Variants in IQCH observed in about 807,000 individuals in gnomAD.
IQCH encodes IQ motif containing H.
Under a neutral mutation model 117.0 loss-of-function variants are expected in IQCH, and 98 were observed. The observed-to-expected ratio is 0.84, with a 90% confidence interval of 0.71 to 0.99. The LOEUF (loss-of-function observed/expected upper bound fraction) is 0.99. IQCH is among the 50% of genes least tolerant of loss of function. IQCH has a pLI of 0.00. For synonymous variants in IQCH, 412 were observed against 448.2 expected (o/e 0.92, Z 1.02); for missense variants, 1,102 against 1,243.8 (o/e 0.89, Z 1.72).
intron 3 of IQCH, among the ~76,000 whole-genome samples, chr15:67,272,204 G>A (rs1965926231): frequency 6.6e-6 from 1 of 151,900 alleles, no homozygotes; most frequent in Non-Finnish European, 1.5e-5. Context: ...GTTTCCATGT[G>A]TTTCTGTAGT....
chr15:67,489,469 G>T (rs1467352122), intron 18 of IQCH, among the ~76,000 whole-genome samples: 3 of 149,312 alleles, frequency 2.0e-5, no homozygotes, highest in Admixed American at 6.7e-5. Flanking sequence ...GGACCACCAT[G>T]CTACTTTTCA....
intron 5 of IQCH, among the ~76,000 whole-genome samples, chr15:67,341,133 G>T (rs1359117683): frequency 6.6e-6 from 1 of 152,152 alleles, no homozygotes; most frequent in Admixed American, 6.6e-5. Context: ...GATGGCTTGA[G>T]CCCTAGAGGC....
At chr15:67,275,392 G>A (rs897098145) in intron 3 of IQCH, among the ~76,000 whole-genome samples, 2 of 152,052 alleles carry the variant, frequency 1.3e-5, no homozygotes, top group African/African-American at 4.8e-5. Context: ...CCTTCTCCAT[G>A]ACCTGGGAAC....
intron 4 of IQCH, among the ~76,000 whole-genome samples, chr15:67,313,553 G>T (rs1249096811): frequency 6.6e-6 from 1 of 152,168 alleles, no homozygotes; most frequent in Non-Finnish European, 1.5e-5. Context: ...TAAAGGAGAG[G>T]TGTTGTGCAT....
intron 4 of IQCH, among the ~76,000 whole-genome samples, chr15:67,319,102 C>T (rs1967990746): frequency 6.6e-6 from 1 of 152,066 alleles, no homozygotes; most frequent in Admixed American, 6.6e-5. Flanking sequence ...TGGCGGGTGC[C>T]TGTAGTCCCA....
Position 67,395,522 on chromosome 15 carries a change from G to A in IQCH, c.1864G>A (p.Ala622Thr), listed in dbSNP as rs1027967344. The part of the protein sequence containing the change: ...GKRVFDSANV[A>T]VPPGIYDIYS... Reference sequence around the variant, plus strand: ...ACGTGTCTTTGACAGTGCCAATGTGGCAGTTCCTCCTGGAATATATGATAT... The same window carrying A: ...ACGTGTCTTTGACAGTGCCAATGTGACAGTTCCTCCTGGAATATATGATAT... The change falls in exon 13 of 21, where the codon GCA becomes ACA. Residue 622 changes from alanine to threonine, a missense_variant. Transcript: ENST00000335894. This position sits in a 1 kb window ranked among gnomAD's most constrained non-coding sequence, Gnocchi z 4.0. 1 of 1,613,866 alleles carries A rather than the reference G, an allele frequency of 6.2e-7. No individual in the cohort carries two copies. The highest frequency in any genetic ancestry group is 1.3e-5 in the African/African-American group (1 of 74,888).
chr15:67,331,901 C>T (rs897430905), intron 4 of IQCH, among the ~76,000 whole-genome samples: 1 of 152,198 alleles, frequency 6.6e-6, no homozygotes, highest in Non-Finnish European at 1.5e-5. Flanking sequence ...CAGATCACTT[C>T]TGCTTACAAC....
At position 67,481,345 on chromosome 15, in the gene IQCH, C is replaced by T. The variant is rs150922187; in HGVS notation, c.2799+5527C>T. Among the ~76,000 whole-genome samples the T allele has an allele frequency of 6.6e-5, 10 of 152,266 alleles. 2 individuals are homozygous for T. Among genetic ancestry groups the T allele is most frequent in the African/African-American group, 2.4e-4 (10 of 41,556 alleles). ...GGGGAAGCAAACACATTCTTCTTCACAAAATGGCAGGAGAGAGAAGTGCCG... is the reference window on the plus strand; with the variant it reads ...GGGGAAGCAAACACATTCTTCTTCATAAAATGGCAGGAGAGAGAAGTGCCG... On this transcript the variant is annotated intron_variant, in intron 18 of 20. Transcript: ENST00000335894. This position sits in a 1 kb window ranked among gnomAD's most constrained non-coding sequence, Gnocchi z 4.1.
intron 4 of IQCH, among the ~76,000 whole-genome samples, chr15:67,321,480 TTC>T (rs1491043333): frequency 1.4e-5 from 2 of 146,888 alleles, no homozygotes; most frequent in Non-Finnish European, 3.1e-5. Context: ...CTTCCTTTCT[TTC>T]TTTCTTTTTC....
intron 4 of IQCH, among the ~76,000 whole-genome samples, chr15:67,326,547 C>T (rs1269871590): frequency 6.6e-6 from 1 of 152,164 alleles, no homozygotes; most frequent in Non-Finnish European, 1.5e-5. Flanking sequence ...GCCACACTGT[C>T]TTCCACAATG....
At position 67,356,152 on chromosome 15, in the gene IQCH, C is replaced by G. The variant is rs548431996; in HGVS notation, c.638-1193C>G. The stretch of plus-strand genomic sequence containing the variant: ...TGAACACAGAATGTGGACTTACCTT[C>G]AGAAGTGGGAGAGCAAACTCCAAAG... On this transcript the variant is annotated intron_variant, in intron 6 of 20. Transcript: ENST00000335894. This position sits in a 1 kb window ranked among gnomAD's most constrained non-coding sequence, Gnocchi z 5.3. 1.6e-4 allele frequency among the ~76,000 whole-genome samples: 25 copies of G among 152,246 alleles called. No individual in the cohort carries two copies. Among genetic ancestry groups the G allele is most frequent in the Admixed American group, 1.3e-3 (20 of 15,280 alleles).
chr15:67,488,365 C>T (rs116782040), intron 18 of IQCH, among the ~76,000 whole-genome samples: 403 of 152,186 alleles, frequency 2.6e-3, no homozygotes, highest in African/African-American at 8.7e-3. Context: ...GATATTATAA[C>T]GGGTTCAAAA....
chr15:67,471,465 G>A (rs1051068686), intron 17 of IQCH, among the ~76,000 whole-genome samples: 4 of 152,004 alleles, frequency 2.6e-5, no homozygotes, highest in Admixed American at 6.6e-5. Context: ...CCAAGAAATC[G>A]ATGTTAAGGA....
chr15:67,344,277 G>T, intron 6 of IQCH, 86 bp downstream of exon 6: 1 of 1,264,790 alleles, frequency 7.9e-7, no homozygotes, highest in Non-Finnish European at 1.1e-6. Flanking sequence ...GCCAACTTTT[G>T]TCCTCAATAA....
chr15:67,479,671 T>G lies in IQCH; in HGVS notation c.2799+3853T>G, dbSNP rs1309600406. 6.6e-6 allele frequency among the ~76,000 whole-genome samples: 1 copy of G among 152,184 alleles called. No individual in the cohort carries two copies. The highest frequency in any genetic ancestry group is 1.9e-4 in the East Asian group (1 of 5,200). On this transcript the variant is annotated intron_variant, in intron 18 of 20. Transcript: ENST00000335894. The surrounding 1 kb of genome is among the most constrained non-coding windows in gnomAD (Gnocchi z 4.6). ...ATGCTGAGTCTAAAAACAAGATCATTTACCTAAATTCCAGAGTAACCTGCT... is the reference window on the plus strand; with the variant it reads ...ATGCTGAGTCTAAAAACAAGATCATGTACCTAAATTCCAGAGTAACCTGCT...
At chr15:67,330,471 C>A (rs1314973276) in intron 4 of IQCH, among the ~76,000 whole-genome samples, 3 of 152,116 alleles carry the variant, frequency 2.0e-5, no homozygotes, top group Non-Finnish European at 4.4e-5. Flanking sequence ...GATGCCTCCC[C>A]AGGGAATTTT....
At chr15:67,419,760 G>T (rs2081678564) in intron 15 of IQCH, among the ~76,000 whole-genome samples, 1 of 152,104 alleles carries the variant, frequency 6.6e-6, no homozygotes, top group Non-Finnish European at 1.5e-5. Context: ...TAGAGACAGG[G>T]TCTAACTTTG....
At chr15:67,346,873 T>G (rs900395986) in intron 6 of IQCH, among the ~76,000 whole-genome samples, 1 of 152,026 alleles carries the variant, frequency 6.6e-6, no homozygotes, top group Non-Finnish European at 1.5e-5. Flanking sequence ...CTTAACAGAA[T>G]TAAACTAAAA....
At position 67,326,742 on chromosome 15, in the gene IQCH, A is replaced by G. The variant is rs558126823; in HGVS notation, c.388-10233A>G. ...TTTATTAATTCTACAAGCAGCTTAT[A>G]GAAAACAACAATTTTCAGATGAATA... On this transcript the variant is annotated intron_variant, in intron 4 of 20. Transcript: ENST00000335894. 1.1e-4 allele frequency among the ~76,000 whole-genome samples: 16 copies of G among 152,374 alleles called. No individual in the cohort carries two copies. In the East Asian group the frequency reaches 2.7e-3, roughly 26 times the overall value.
Sources: gnomAD v4.1 joint callset for allele counts (sites outside exome capture counted in the v4.1 genomes callset) on GRCh38, gnomAD v4.1.1 for gene constraint, Gnocchi (gnomAD v3.1) non-coding constraint, MANE v1.5 for transcripts, NCBI Gene and HGNC (gene_info 2026-07-23, HGNC 2026-07-21) for gene names.